Variants in PREX2 observed in about 807,000 individuals in gnomAD.
PREX2 encodes phosphatidylinositol 3,4,5-trisphosphate-dependent Rac exchanger 2 protein.
In PREX2, 107 loss-of-function variants were observed where a neutral mutation model predicts 203.2. The ratio of observed to expected loss-of-function variants is 0.53; its 90% confidence interval spans 0.45 to 0.62. The LOEUF (loss-of-function observed/expected upper bound fraction) is 0.62, where lower values mean the gene tolerates loss of function less well. Among genes scored for constraint, PREX2 ranks in the 20% least tolerant of loss-of-function variants. The pLI, the probability that PREX2 is intolerant of heterozygous loss-of-function variation, is 0.00. For synonymous variants in PREX2, 672 were observed against 663.6 expected (o/e 1.01, Z -0.19); for missense variants, 1,777 against 1,955.9 (o/e 0.91, Z 1.72).
intron 1 of PREX2, among the ~76,000 whole-genome samples, chr8:67,965,106 G>A (rs1243600257): frequency 6.6e-6 from 1 of 152,148 alleles, no homozygotes; most frequent in East Asian, 1.9e-4. Flanking sequence ...ACCATCAAGC[G>A]CAAGAGAGCA....
In PREX2 at chr8:67,952,368, G is replaced by GCGCCGCGCTGCGCAC. The variant is rs1805371620; in HGVS notation, c.-20_-6dup. 1 of 1,511,336 alleles carries GCGCCGCGCTGCGCAC rather than the reference G, an allele frequency of 6.6e-7. No homozygotes were observed. Among genetic ancestry groups the GCGCCGCGCTGCGCAC allele is most frequent in the African/African-American group, 1.5e-5 (1 of 68,672 alleles). The allele number at this position is 1,511,336 out of a possible 1,614,324, so 93.6% of individuals were successfully genotyped here. A position where few individuals can be genotyped will look rare whatever the true frequency, so the allele number is the denominator to read the frequency against. ...GGGTCAGCGCTCAGCACGGCGGGCAGCGCCGCGCTGCGCACCGCCGCCGAC... is the reference window on the plus strand; with the variant it reads ...GGGTCAGCGCTCAGCACGGCGGGCAGCGCCGCGCTGCGCACCGCCGCGCTGCGCACCGCCGCCGAC... On this transcript the variant is annotated 5_prime_UTR_variant, in exon 1 of 40. Coordinates refer to ENST00000288368, the MANE Select transcript of PREX2 (RefSeq NM_024870.4).
chr8:68,077,491 A>G, intron 15 of PREX2, 22 bp downstream of exon 15: 1 of 1,540,734 alleles, frequency 6.5e-7, no homozygotes, highest in South Asian at 1.1e-5. Flanking sequence ...TTACCCTGGG[A>G]GCTTACAGAT....
At chr8:67,991,707 T>G (rs1806614536) in intron 1 of PREX2, among the ~76,000 whole-genome samples, 1 of 152,060 alleles carries the variant, frequency 6.6e-6, no homozygotes, top group African/African-American at 2.4e-5. Context: ...AAGACGAGAT[T>G]TGGCTGGTGA....
At chr8:68,196,624 TG>T (rs1812401131) in intron 37 of PREX2, among the ~76,000 whole-genome samples, 1 of 151,734 alleles carries the variant, frequency 6.6e-6, no homozygotes, top group Non-Finnish European at 1.5e-5. Flanking sequence ...AGGTGGGGCC[TG>T]GTGGGAGGTG....
chr8:68,011,727 C>G lies in PREX2; in HGVS notation c.142-6119C>G, dbSNP rs148789558. On this transcript the variant is annotated intron_variant, in intron 1 of 39. Coordinates refer to ENST00000288368, the MANE Select transcript of PREX2 (RefSeq NM_024870.4). ...AAAACCTACCTCTACTGTTTTTGAC[C>G]TCTGCTTTAGACCAACTCATTGCCT... is the stretch of plus-strand genomic sequence containing the variant. Among the ~76,000 whole-genome samples the G allele has an allele frequency of 4.3e-3, 652 of 152,070 alleles. 1 individual carries two copies. Among genetic ancestry groups the G allele is most frequent in the Non-Finnish European group, 7.5e-3 (511 of 67,960 alleles).
chr8:68,210,282 A>G (rs1812718328), intron 37 of PREX2, among the ~76,000 whole-genome samples: 2 of 152,176 alleles, frequency 1.3e-5, no homozygotes, highest in Non-Finnish European at 2.9e-5. Context: ...ACATCTACAT[A>G]ATGTCAATTT....
intron 23 of PREX2, chr8:68,105,213 G>T (rs766858841): frequency 7.3e-7 from 1 of 1,367,740 alleles, no homozygotes; most frequent in South Asian, 1.1e-5. Context: ...TCTTCACAGT[G>T]TAAGCAGCAC....
chr8:68,218,277 C>T (rs901766544), intron 38 of PREX2, among the ~76,000 whole-genome samples: 1 of 152,140 alleles, frequency 6.6e-6, no homozygotes, highest in Non-Finnish European at 1.5e-5. Context: ...AATATACTCT[C>T]TTATAAATAG....
rs79836782 is a variant in PREX2 at position 68,018,889 on chromosome 8, C to T, written c.214-660C>T. Among the ~76,000 whole-genome samples, 115 of 152,292 alleles carry T rather than the reference C, an allele frequency of 7.6e-4. 2 individuals are homozygous for T. The East Asian group carries it at 0.015, about 19-fold the overall frequency. ...AAAGGTTCTTCTGACTCTATTTCCC[C>T]ATGAGTAAAATAACTAACTTTAAAA... is the stretch of plus-strand genomic sequence containing the variant. On this transcript the variant is annotated intron_variant, in intron 2 of 39. Transcript: ENST00000288368.
At chr8:68,113,145 A>T (rs929913800) in intron 25 of PREX2, among the ~76,000 whole-genome samples, 3 of 152,190 alleles carry the variant, frequency 2.0e-5, no homozygotes, top group African/African-American at 7.2e-5. Context: ...AGAATCTAGA[A>T]ATTTTATGCA....
intron 2 of PREX2, among the ~76,000 whole-genome samples, chr8:68,019,078 A>G (rs1191072106): frequency 6.6e-6 from 1 of 152,212 alleles, no homozygotes; most frequent in East Asian, 1.9e-4. Context: ...AGGTCGCTAC[A>G]TCCTCTCCAG....
chr8:68,197,144 G>A (rs1001385034), intron 37 of PREX2, among the ~76,000 whole-genome samples: 6 of 151,732 alleles, frequency 4.0e-5, no homozygotes, highest in African/African-American at 1.2e-4. Flanking sequence ...TTATAAGGGT[G>A]TTAATCCATT....
chr8:67,993,883 T>G (rs1386657683), intron 1 of PREX2, among the ~76,000 whole-genome samples: 1 of 152,166 alleles, frequency 6.6e-6, no homozygotes, highest in Non-Finnish European at 1.5e-5. Context: ...GAAATCTTCA[T>G]AGAGAAAGTG....
chr8:68,159,184 AAAT>A (rs1339979805), intron 35 of PREX2, among the ~76,000 whole-genome samples: 1 of 152,212 alleles, frequency 6.6e-6, no homozygotes, highest in Non-Finnish European at 1.5e-5. Context: ...AATTGTAGGC[AAAT>A]AATAAAACTC....
chr8:68,231,478 T>C lies in PREX2; in HGVS notation c.*100T>C. 1 of 68,564 alleles carries C rather than the reference T, an allele frequency of 1.5e-5. No homozygotes were observed. The highest frequency in any genetic ancestry group is 2.2e-5 in the Non-Finnish European group (1 of 46,474). 4.2% of individuals were successfully genotyped at this position (68,564 alleles called of 1,614,324 possible). A position where few individuals can be genotyped will look rare whatever the true frequency, so the allele number is the denominator to read the frequency against. On this transcript the variant is annotated 3_prime_UTR_variant, in exon 40 of 40. Transcript: ENST00000288368. ...TTCTCCACTGAAGATACATCAATGC[T>C]TTTTTTTTTTTTTTTTTCTGTAAAT...
intron 14 of PREX2, among the ~76,000 whole-genome samples, chr8:68,074,388 A>G (rs1809287490): frequency 6.6e-6 from 1 of 152,204 alleles, no homozygotes; most frequent in Admixed American, 6.5e-5. Context: ...CTGTGCTAGT[A>G]ACTAGTTATA....
At chr8:67,989,902 CAA>C (rs1259783326) in intron 1 of PREX2, among the ~76,000 whole-genome samples, 3 of 152,060 alleles carry the variant, frequency 2.0e-5, no homozygotes, top group Non-Finnish European at 1.5e-5. Context: ...TGTTTACAAA[CAA>C]AATATTTTCT....
At chr8:68,105,679 G>C in intron 23 of PREX2, 1 of 186,620 alleles carries the variant, frequency 5.4e-6, no homozygotes, top group Non-Finnish European at 5.9e-6. Context: ...TATATATATG[G>C]ATTATATATA....
At chr8:68,113,468 A>G (rs1486808633) in intron 25 of PREX2, among the ~76,000 whole-genome samples, 1 of 152,142 alleles carries the variant, frequency 6.6e-6, no homozygotes, top group Non-Finnish European at 1.5e-5. Context: ...TTTTGGGTGG[A>G]GAGGGTGAAT....
Sources: allele counts gnomAD v4.1 joint callset (sites outside exome capture counted in the v4.1 genomes callset), GRCh38; gene constraint gnomAD v4.1.1; transcripts MANE v1.5; gene names NCBI Gene and HGNC (gene_info 2026-07-23, HGNC 2026-07-21).